The following IL1RAPL1 variants were observed in gnomAD, a reference collection of about 807,000 sequenced individuals.
The protein encoded by IL1RAPL1 is interleukin-1 receptor accessory protein-like 1.
IL1RAPL1 carries 3 observed loss-of-function variants against 48.4 expected under a neutral mutation model. The observed-to-expected ratio is 0.06, with a 90% CI of 0.03 to 0.16. IL1RAPL1 has a LOEUF of 0.16. Among genes scored for constraint, IL1RAPL1 ranks in the 10% least tolerant of loss-of-function variants. The pLI is 1.00. For synonymous variants in IL1RAPL1, 185 were observed against 187.7 expected, an observed-to-expected ratio of 0.99 and a Z score of 0.12; for missense variants, 349 against 530.6, an observed-to-expected ratio of 0.66 and a Z score of 3.36.
At chrX:28,608,273 T>TTA (rs1464525851) in intron 1 of IL1RAPL1, among the ~76,000 whole-genome samples, 2 of 111,455 alleles carry the variant, frequency 1.8e-5, no homozygotes, top group Non-Finnish European at 3.8e-5. Context: ...TCCAGTTCTT[T>TTA]TATATATATA....
At chrX:29,319,198 C>CTATCTATCTA (rs2147623962) in intron 3 of IL1RAPL1, among the ~76,000 whole-genome samples, 1 of 99,848 alleles carries the variant, frequency 1.0e-5, no homozygotes, top group African/African-American at 3.5e-5. Flanking sequence ...ATCTATCTAT[C>CTATCTATCTA]TATCTATAGT....
At chrX:28,965,340 T>G (rs748294505) in intron 2 of IL1RAPL1, among the ~76,000 whole-genome samples, 27 of 111,612 alleles carry the variant, frequency 2.4e-4, no homozygotes, top group Non-Finnish European at 4.2e-4. Flanking sequence ...GATCATTTAT[T>G]TAAGAACATG....
intron 5 of IL1RAPL1, among the ~76,000 whole-genome samples, chrX:29,509,928 CAA>C (rs759576902): frequency 6.0e-4 from 67 of 111,628 alleles, no homozygotes; most frequent in Non-Finnish European, 1.1e-3. Context: ...AATAAAATGT[CAA>C]GAGTAAACTG....
At chrX:29,907,429 A>T (rs764367897) in intron 6 of IL1RAPL1, among the ~76,000 whole-genome samples, 1 of 110,908 alleles carries the variant, frequency 9.0e-6, no homozygotes, top group Non-Finnish European at 1.9e-5. Flanking sequence ...TTTCTCCTAT[A>T]TAGTATATTT....
chrX:29,881,863 C>T (rs1465969269), intron 6 of IL1RAPL1, among the ~76,000 whole-genome samples: 1 of 111,306 alleles, frequency 9.0e-6, no homozygotes, highest in Non-Finnish European at 1.9e-5. Context: ...GGGCTGAGTT[C>T]AAATATTTAC....
intron 2 of IL1RAPL1, among the ~76,000 whole-genome samples, chrX:29,251,970 A>G (rs1221316723): frequency 9.1e-6 from 1 of 109,908 alleles, no homozygotes; most frequent in Non-Finnish European, 1.9e-5. Context: ...TTGTAGGGAC[A>G]TGGATGAAAT....
intron 1 of IL1RAPL1, among the ~76,000 whole-genome samples, chrX:28,760,608 T>C (rs1229416276): frequency 1.8e-5 from 2 of 111,629 alleles, no homozygotes; most frequent in Non-Finnish European, 3.8e-5. Context: ...ATAAATAAAA[T>C]ACCATAACGT....
chrX:29,767,144 TC>T (rs1218292471), intron 6 of IL1RAPL1, among the ~76,000 whole-genome samples: 1 of 111,995 alleles, frequency 8.9e-6, no homozygotes, highest in Non-Finnish European at 1.9e-5. Context: ...CAAGGATTGC[TC>T]CCAGTTGTAA....
chrX:28,648,777 G>A (rs976900677), intron 1 of IL1RAPL1, among the ~76,000 whole-genome samples: 2 of 111,872 alleles, frequency 1.8e-5, no homozygotes, highest in African/African-American at 6.5e-5. Context: ...TTGAAAAGTT[G>A]GGAAGAGATG....
chrX:28,675,940 G>T (rs1004790042), intron 1 of IL1RAPL1, among the ~76,000 whole-genome samples: 2 of 111,765 alleles, frequency 1.8e-5, no homozygotes, highest in Non-Finnish European at 3.8e-5. Context: ...AGTTGTTTGG[G>T]GTAACTACAT....
chrX:29,223,457 G>T (rs1931020757), intron 2 of IL1RAPL1, among the ~76,000 whole-genome samples: 1 of 110,675 alleles, frequency 9.0e-6, no homozygotes, highest in Non-Finnish European at 1.9e-5. Flanking sequence ...TGCATTCATT[G>T]TCACTCCAAA....
chrX:29,678,499 C>T (rs192281892), intron 6 of IL1RAPL1, among the ~76,000 whole-genome samples: 6,668 of 104,181 alleles, frequency 0.064, 539 homozygotes, highest in African/African-American at 0.23. Context: ...GGACTAGAGG[C>T]ACCCGCCACC....
chrX:29,907,696 C>A (rs1932666205), intron 6 of IL1RAPL1, among the ~76,000 whole-genome samples: 2 of 111,893 alleles, frequency 1.8e-5, no homozygotes, highest in South Asian at 7.4e-4. Context: ...ATGTCCAGAT[C>A]TATCATCATT....
At chrX:29,332,095 CTTTTTTTTTTTT>C (rs72360733) in intron 3 of IL1RAPL1, among the ~76,000 whole-genome samples, 3 of 27,889 alleles carry the variant, frequency 1.1e-4, no homozygotes, top group South Asian at 9.3e-3. Context: ...ATTCTAAGGT[CTTTTTTTTTTTT>C]TTTTTTTTTT....
At chrX:29,261,892 T>C (rs1931868212) in intron 2 of IL1RAPL1, among the ~76,000 whole-genome samples, 1 of 111,791 alleles carries the variant, frequency 8.9e-6, no homozygotes, top group Admixed American at 9.6e-5. Context: ...TTTTGCAATG[T>C]ATAATATTAT....
chrX:29,242,084 C>A (rs1408224683), intron 2 of IL1RAPL1, among the ~76,000 whole-genome samples: 1 of 111,940 alleles, frequency 8.9e-6, no homozygotes, highest in Non-Finnish European at 1.9e-5. Flanking sequence ...TTACTCTTTC[C>A]CACAAGCAAG....
At chrX:29,752,070 A>G (rs887943903) in intron 6 of IL1RAPL1, among the ~76,000 whole-genome samples, 77 of 89,120 alleles carry the variant, frequency 8.6e-4, no homozygotes, top group African/African-American at 3.6e-3. Flanking sequence ...ATGTATATAT[A>G]TGTGTGTATG....
intron 6 of IL1RAPL1, among the ~76,000 whole-genome samples, chrX:29,827,453 T>C (rs1046064229): frequency 9.0e-6 from 1 of 111,632 alleles, no homozygotes; most frequent in African/African-American, 3.3e-5. Flanking sequence ...AGACAATAGA[T>C]GATAAGTGAG....
intron 6 of IL1RAPL1, among the ~76,000 whole-genome samples, chrX:29,753,277 T>C (rs767141855): frequency 1.8e-5 from 2 of 111,858 alleles, no homozygotes; most frequent in East Asian, 5.6e-4. Context: ...TTTGTCATCA[T>C]TCCTAATAAA....
Sources: gnomAD v4.1 joint callset for allele counts (sites outside exome capture counted in the v4.1 genomes callset) on GRCh38, gnomAD v4.1.1 for gene constraint, MANE v1.5 for transcripts, NCBI Gene and HGNC (gene_info 2026-07-23, HGNC 2026-07-21) for gene names.